EEFSEC: variants seen among roughly 807,000 people sequenced by gnomAD.
EEFSEC encodes selenocysteine-specific elongation factor.
Under a neutral mutation model 42.1 loss-of-function variants are expected in EEFSEC, and 43 were observed. That is an observed-to-expected ratio of 1.02 (90% confidence interval 0.80 to 1.32). The LOEUF is 1.32. Among genes scored for constraint, EEFSEC ranks in the 40% most tolerant of loss-of-function variants. The pLI is 0.00. For missense variants in EEFSEC, 745 were observed against 803.6 expected (o/e 0.93, Z 0.88); for synonymous variants, 354 against 339.1 (o/e 1.04, Z -0.48).
intron 1 of EEFSEC, among the ~76,000 whole-genome samples, chr3:128,239,009 TC>T (rs2107882766): frequency 6.6e-6 from 1 of 152,342 alleles, no homozygotes; most frequent in South Asian, 2.1e-4. Context: ...GGTCAGCTTC[TC>T]CTGCTCAGGG....
Position 128,385,845 on chromosome 3 carries a change from G to A in EEFSEC, c.1601-22224G>A, listed in dbSNP as rs1173795950. 2.0e-5 allele frequency among the ~76,000 whole-genome samples: 3 copies of A among 152,356 alleles called. No individual in the cohort carries two copies. The East Asian group carries it at 5.8e-4, about 29-fold the overall frequency. On this transcript the variant is annotated intron_variant, in intron 6 of 6. Transcript: ENST00000254730. ...GGGCACGACACTGATAGGCAGGTCA[G>A]CCCAGAACAGTCCAAGGAGGCCTGG...
intron 1 of EEFSEC, among the ~76,000 whole-genome samples, chr3:128,240,218 C>CA (rs1270866158): frequency 1.3e-5 from 2 of 152,212 alleles, no homozygotes; most frequent in Non-Finnish European, 2.9e-5. Flanking sequence ...CTAGTGGGGA[C>CA]AGCAGGCCTT....
rs1025807234 is a variant in EEFSEC at position 128,345,778 on chromosome 3, G to A, written c.1443+3889G>A. On this transcript the variant is annotated intron_variant, in intron 5 of 6. Coordinates refer to ENST00000254730, the MANE Select transcript of EEFSEC (RefSeq NM_021937.5). ...CTGGCACTATACCTATGTGTTAAGT[G>A]AGCACTTTCCGCCAGGGGGGCTTAA... Among the ~76,000 whole-genome samples the A allele has an allele frequency of 3.3e-5, 5 of 152,204 alleles. No individual in the cohort carries two copies. The South Asian group carries it at 6.2e-4, about 19-fold the overall frequency.
At position 128,341,708 on chromosome 3, in the gene EEFSEC, C is replaced by A. The variant is rs1483594573; in HGVS notation, c.1262C>A (p.Thr421Asn). The A allele has an allele frequency of 6.2e-7, 1 of 1,614,048 alleles. No homozygotes were observed. ...CTGGTGGAGTTTGAGAAGCCCGTCA[C>A]CTGCCCTCGGCTGTGCCTGGTGATT... Reference protein sequence around the residue: ...WALVEFEKPVTCPRLCLVIGS... With the variant: ...WALVEFEKPVNCPRLCLVIGS... The change falls in exon 5 of 7, where the codon ACC becomes AAC. Residue 421 changes from threonine (T) to asparagine (N), a missense_variant. By Grantham distance (65) the Thr-to-Asn change is moderately conservative. Coordinates refer to ENST00000254730, the MANE Select transcript of EEFSEC (RefSeq NM_021937.5).
chr3:128,164,578 C>G (rs923700884), intron 1 of EEFSEC, among the ~76,000 whole-genome samples: 3 of 152,074 alleles, frequency 2.0e-5, no homozygotes, highest in Admixed American at 2.0e-4. Flanking sequence ...GGAGGTGCGG[C>G]CAGGTTGGCT....
downstream of EEFSEC, among the ~76,000 whole-genome samples, chr3:128,411,970 G>A (rs567268118): frequency 6.6e-6 from 1 of 152,366 alleles, no homozygotes; most frequent in Non-Finnish European, 1.5e-5. Flanking sequence ...TCTCAGACGT[G>A]TCTGCATGTG....
At chr3:128,345,547 AAAG>A (rs2067303083) in intron 5 of EEFSEC, among the ~76,000 whole-genome samples, 2 of 152,242 alleles carry the variant, frequency 1.3e-5, no homozygotes, top group South Asian at 4.1e-4. Context: ...ATGTCTATTC[AAAG>A]AAGTTTCTGG....
intron 2 of EEFSEC, among the ~76,000 whole-genome samples, chr3:128,258,009 C>T (rs1576586216): frequency 1.3e-5 from 2 of 152,016 alleles, no homozygotes; most frequent in Admixed American, 6.6e-5. Context: ...CATGAAATTG[C>T]GTTTTAAAAT....
rs1559844821 is a variant in EEFSEC at position 128,153,817 on chromosome 3, A to G, written c.310A>G (p.Ile104Val). ...PGHASLIRTI[I>V]GGAQIIDLMM... The stretch of plus-strand genomic sequence containing the variant: ...GCACGCCTCCCTCATCCGGACCATC[A>G]TCGGCGGTGAGCGCGGGCCGGGGCG... Residue 104 changes from isoleucine to valine, a missense_variant, in exon 1 of 7, where the codon ATC becomes GTC. Physicochemically the swap from Ile to Val is conservative, Grantham distance 29. Transcript: ENST00000254730. 1.3e-6 allele frequency: 2 copies of G among 1,510,336 alleles called. No homozygotes were observed. Among genetic ancestry groups the G allele is most frequent in the South Asian group, 2.4e-5 (2 of 82,112 alleles). 93.6% of individuals were successfully genotyped at this position (1,510,336 alleles called of 1,614,324 possible).
intron 2 of EEFSEC, among the ~76,000 whole-genome samples, chr3:128,247,460 C>T (rs143787089): frequency 5.4e-4 from 83 of 152,320 alleles, no homozygotes; most frequent in African/African-American, 8.4e-4. Flanking sequence ...ACTGTGTTCT[C>T]TTGCTATCTG....
intron 2 of EEFSEC, among the ~76,000 whole-genome samples, chr3:128,252,456 A>G (rs1053431539): frequency 6.6e-6 from 1 of 152,214 alleles, no homozygotes; most frequent in East Asian, 1.9e-4. Context: ...ATATGTAGGA[A>G]TAATAGCTGT....
At chr3:128,368,145 C>T (rs892019865) in intron 6 of EEFSEC, among the ~76,000 whole-genome samples, 5 of 152,220 alleles carry the variant, frequency 3.3e-5, no homozygotes, top group African/African-American at 9.6e-5. Context: ...GAAGTACAGT[C>T]CACAGGCTGA....
At chr3:128,378,692 C>G (rs1488664826) in intron 6 of EEFSEC, among the ~76,000 whole-genome samples, 1 of 152,208 alleles carries the variant, frequency 6.6e-6, no homozygotes, top group Non-Finnish European at 1.5e-5. Flanking sequence ...GCAGCCCTCT[C>G]TCCTGTGCCT....
intron 4 of EEFSEC, among the ~76,000 whole-genome samples, chr3:128,269,434 C>T (rs1166383042): frequency 6.6e-6 from 1 of 152,266 alleles, no homozygotes; most frequent in Non-Finnish European, 1.5e-5. Context: ...CTCACCCCTG[C>T]CCTCTTCCAG....
At chr3:128,335,421 G>A (rs2067179369) in intron 4 of EEFSEC, among the ~76,000 whole-genome samples, 1 of 152,222 alleles carries the variant, frequency 6.6e-6, no homozygotes, top group Non-Finnish European at 1.5e-5. Flanking sequence ...GTATGGGAAG[G>A]AAGTGAGGAA....
downstream of EEFSEC, among the ~76,000 whole-genome samples, chr3:128,411,537 G>A (rs779219007): frequency 7.9e-5 from 12 of 152,200 alleles, no homozygotes; most frequent in Admixed American, 7.2e-4. Context: ...TCCTCTGTGG[G>A]CTGATGGGTG....
At chr3:128,183,838 A>G (rs1040627085) in intron 1 of EEFSEC, among the ~76,000 whole-genome samples, 3 of 152,144 alleles carry the variant, frequency 2.0e-5, no homozygotes, top group Non-Finnish European at 4.4e-5. Context: ...TCCATTCCTT[A>G]TCTGTGTAAG....
At chr3:128,406,846 A>C (rs956131976) in intron 6 of EEFSEC, among the ~76,000 whole-genome samples, 10 of 151,422 alleles carry the variant, frequency 6.6e-5, no homozygotes, top group African/African-American at 2.4e-4. Context: ...AAATATATAT[A>C]TATACACATA....
intron 1 of EEFSEC, among the ~76,000 whole-genome samples, chr3:128,235,638 C>T (rs561903380): frequency 5.3e-5 from 8 of 152,362 alleles, no homozygotes; most frequent in Non-Finnish European, 1.0e-4. Flanking sequence ...ACACCAGCTC[C>T]GCTAGAGCTC....
Sources: allele counts gnomAD v4.1 joint callset (sites outside exome capture counted in the v4.1 genomes callset), GRCh38; gene constraint gnomAD v4.1.1; transcripts MANE v1.5; gene names NCBI Gene and HGNC (gene_info 2026-07-23, HGNC 2026-07-21).